Variants in CLXN observed in about 807,000 individuals in gnomAD.
The protein encoded by CLXN is calaxin, also known as EF-hand calcium binding domain 1.
the CLXN span, chr8:48,713,957 C>G: frequency 1.4e-4 from 22 of 152,190 alleles, no homozygotes; most frequent in Non-Finnish European, 5.9e-5. Flanking sequence ...ACAGGCCTAG[C>G]CTGGCTTTCT....
the CLXN span, among the ~76,000 whole-genome samples, chr8:48,718,927 G>A: frequency 6.6e-6 from 1 of 151,908 alleles, no homozygotes; most frequent in African/African-American, 2.4e-5. Context: ...CCCAAAGTTA[G>A]CAGAACGAAA....
chr8:48,712,702 C>T, the CLXN span, among the ~76,000 whole-genome samples: 11 of 152,176 alleles, frequency 7.2e-5, no homozygotes, highest in South Asian at 2.1e-4. Flanking sequence ...TACTTTCCCA[C>T]GAAACTGAGA....
the CLXN span, chr8:48,729,994 T>C: frequency 1.2e-6 from 1 of 815,060 alleles, no homozygotes; most frequent in Non-Finnish European, 1.9e-6. Flanking sequence ...TGCAGCCTGA[T>C]TTGCATTGTA....
the CLXN span, chr8:48,716,675 A>G: frequency 6.6e-6 from 1 of 152,250 alleles, no homozygotes; most frequent in East Asian, 1.9e-4. Context: ...CAGAAAATGC[A>G]ACAGACAGCC....
the CLXN span, chr8:48,711,953 C>T: frequency 6.6e-6 from 1 of 152,192 alleles, no homozygotes; most frequent in African/African-American, 2.4e-5. Flanking sequence ...AGCCCAATAT[C>T]TGGAACAAAA....
At chr8:48,722,812 A>G in the CLXN span, among the ~76,000 whole-genome samples, 15 of 152,128 alleles carry the variant, frequency 9.9e-5, no homozygotes, top group Non-Finnish European at 1.8e-4. Flanking sequence ...TTCTGCCTTT[A>G]AAAAGAAGGA....
the CLXN span, chr8:48,711,630 T>G: frequency 6.6e-6 from 1 of 152,212 alleles, no homozygotes; most frequent in African/African-American, 2.4e-5. Context: ...ACAATACATG[T>G]ACACCACATA....
chr8:48,721,472 G>C, the CLXN span, among the ~76,000 whole-genome samples: 1 of 152,132 alleles, frequency 6.6e-6, no homozygotes, highest in African/African-American at 2.4e-5. Context: ...AAATTCATAT[G>C]GAACCAGAAA....
chr8:48,726,805 T>C, the CLXN span, among the ~76,000 whole-genome samples: 7 of 138,110 alleles, frequency 5.1e-5, no homozygotes, highest in Admixed American at 1.4e-4. Flanking sequence ...CAGTTCATCA[T>C]CCATCCATCC....
At chr8:48,722,688 C>G in the CLXN span, among the ~76,000 whole-genome samples, 1 of 152,234 alleles carries the variant, frequency 6.6e-6, no homozygotes, top group Non-Finnish European at 1.5e-5. Flanking sequence ...TCCTGGCACC[C>G]AGTATCCCTC....
At chr8:48,731,724 A>G in the CLXN span, among the ~76,000 whole-genome samples, 1 of 151,558 alleles carries the variant, frequency 6.6e-6, no homozygotes, top group Non-Finnish European at 1.5e-5. Flanking sequence ...GGAAAAAAAT[A>G]CGATAGTATT....
At chr8:48,711,283 C>T in the CLXN span, 1 of 152,146 alleles carries the variant, frequency 6.6e-6, no homozygotes, top group Non-Finnish European at 1.5e-5. Context: ...CCCAAAGAAG[C>T]ATTCCTTGTC....
the CLXN span, chr8:48,715,820 T>TA: frequency 1.3e-5 from 2 of 152,226 alleles, no homozygotes; most frequent in African/African-American, 4.8e-5. Flanking sequence ...TGTGTAGATA[T>TA]AAATGCAAAG....
chr8:48,729,026 A>C, the CLXN span: 2 of 1,583,814 alleles, frequency 1.3e-6, no homozygotes, highest in East Asian at 4.5e-5. Context: ...CCGTTCAGGG[A>C]AAGTCATATC....
chr8:48,724,684 A>C, the CLXN span: 1 of 1,382,086 alleles, frequency 7.2e-7, no homozygotes, highest in South Asian at 1.4e-5. Flanking sequence ...AGAAAAAATA[A>C]GCAATATGTG....
chr8:48,726,983 TCATCCATCCACTCATC>T, the CLXN span, among the ~76,000 whole-genome samples: 1 of 127,368 alleles, frequency 7.9e-6, no homozygotes, highest in African/African-American at 3.2e-5. Context: ...TCCACCCACC[TCATCCATCCACTCATC>T]CATCCATCCA....
At chr8:48,724,298 G>T in the CLXN span, 1 of 152,932 alleles carries the variant, frequency 6.5e-6, no homozygotes, top group Non-Finnish European at 1.5e-5. Flanking sequence ...ATGCTCAATA[G>T]AATACTCTTA....
chr8:48,724,570 CATCT>C, the CLXN span: 1 of 474,042 alleles, frequency 2.1e-6, no homozygotes, highest in Non-Finnish European at 3.7e-6. Flanking sequence ...TCTTGTCTTC[CATCT>C]ATTTTAATTG....
At chr8:48,712,064 ATGAAGGAAGACATGAC>A in the CLXN span, 1 of 152,244 alleles carries the variant, frequency 6.6e-6, no homozygotes, top group Non-Finnish European at 1.5e-5. Context: ...TAAAGGATTC[ATGAAGGAAGACATGAC>A]TAAATGGTTT....
Sources: allele counts gnomAD v4.1 joint callset (sites outside exome capture counted in the v4.1 genomes callset), GRCh38; gene constraint gnomAD v4.1.1; transcripts MANE v1.5; gene names NCBI Gene and HGNC (gene_info 2026-07-23, HGNC 2026-07-21).